RBMS3: variants seen among roughly 807,000 people sequenced by gnomAD.
The protein encoded by RBMS3 is RNA binding motif single stranded interacting protein 3.
A neutral mutation model predicts 66.8 loss-of-function variants in RBMS3; 27 were observed. The ratio of observed to expected loss-of-function variants is 0.40; its 90% confidence interval spans 0.30 to 0.56. The LOEUF is 0.56. RBMS3 is among the 20% of genes least tolerant of loss of function. RBMS3 has a pLI of 0.40. For missense variants in RBMS3, 513 were observed against 549.5 expected (o/e 0.93, Z 0.66); for synonymous variants, 188 against 183.0 (o/e 1.03, Z -0.22).
At chr3:29,329,685 G>A (rs987889486) in intron 1 of RBMS3, among the ~76,000 whole-genome samples, 2 of 151,708 alleles carry the variant, frequency 1.3e-5, no homozygotes, top group Non-Finnish European at 2.9e-5. Context: ...GCCATGCATT[G>A]AGTCAAGCTT....
intron 12 of RBMS3, among the ~76,000 whole-genome samples, chr3:29,976,931 C>A (rs1197072444): frequency 6.6e-6 from 1 of 152,088 alleles, no homozygotes; most frequent in East Asian, 1.9e-4. Flanking sequence ...TCAGTTTACT[C>A]CCTATATCCC....
chr3:29,503,706 G>A (rs2044066060), intron 3 of RBMS3, among the ~76,000 whole-genome samples: 1 of 152,066 alleles, frequency 6.6e-6, no homozygotes, highest in Non-Finnish European at 1.5e-5. Context: ...TTTCATATTT[G>A]TAACCAAAAT....
rs1699832895 is a variant in RBMS3 at position 30,007,451 on chromosome 3, C to A, written c.*3589C>A. ...AAGACTTAGCTTAAACATCAGGAAA[C>A]AAACTAAAGCCACAATCCAAATGAG... On this transcript the variant is annotated 3_prime_UTR_variant, in exon 15 of 15. Coordinates refer to ENST00000383767, the MANE Select transcript of RBMS3 (RefSeq NM_001003793.3). The A allele has an allele frequency of 6.6e-6, 1 of 151,934 alleles. No individual in the cohort carries two copies. Among genetic ancestry groups the A allele is most frequent in the Non-Finnish European group, 1.5e-5 (1 of 67,938 alleles). The allele number at this position is 151,934 out of a possible 1,614,324, so 9.4% of individuals were successfully genotyped here. A position where few individuals can be genotyped will look rare whatever the true frequency, so the allele number is the denominator to read the frequency against.
intron 4 of RBMS3, among the ~76,000 whole-genome samples, chr3:29,736,893 A>T (rs1003723065): frequency 6.6e-6 from 1 of 152,200 alleles, no homozygotes; most frequent in Non-Finnish European, 1.5e-5. Context: ...TCTAGCTATA[A>T]TTTGAAAACA....
At chr3:29,989,922 A>ATACT (rs1228775537) in intron 13 of RBMS3, among the ~76,000 whole-genome samples, 1 of 152,198 alleles carries the variant, frequency 6.6e-6, no homozygotes, top group Non-Finnish European at 1.5e-5. Flanking sequence ...CCAAAGACAA[A>ATACT]TACTTATCTA....
At chr3:29,756,566 A>G (rs1042774645) in intron 5 of RBMS3, among the ~76,000 whole-genome samples, 3 of 151,632 alleles carry the variant, frequency 2.0e-5, no homozygotes, top group Non-Finnish European at 4.4e-5. Flanking sequence ...AACAGCACAG[A>G]AAAAAAACCC....
At chr3:29,622,973 C>T (rs1051067759) in intron 4 of RBMS3, among the ~76,000 whole-genome samples, 2 of 151,240 alleles carry the variant, frequency 1.3e-5, no homozygotes, top group Non-Finnish European at 2.9e-5. Context: ...AAAAATTAGC[C>T]GGGTGTGGTG....
At chr3:29,847,165 G>A (rs1196720619) in intron 6 of RBMS3, among the ~76,000 whole-genome samples, 1 of 152,226 alleles carries the variant, frequency 6.6e-6, no homozygotes, top group Non-Finnish European at 1.5e-5. Flanking sequence ...GATGAATTAA[G>A]TGTGCCTTTT....
intron 8 of RBMS3, among the ~76,000 whole-genome samples, chr3:29,892,879 G>T (rs988100465): frequency 8.3e-6 from 1 of 119,764 alleles, no homozygotes; most frequent in African/African-American, 3.6e-5. Context: ...TTAATGTGAT[G>T]CCTGTGTGAA....
chr3:29,357,811 AT>A (rs1229776106), intron 1 of RBMS3, among the ~76,000 whole-genome samples: 1 of 151,984 alleles, frequency 6.6e-6, no homozygotes, highest in East Asian at 1.9e-4. Flanking sequence ...GATGATGAGC[AT>A]TTTTTCATGT....
At chr3:29,539,603 C>G (rs982194390) in intron 3 of RBMS3, among the ~76,000 whole-genome samples, 3 of 152,200 alleles carry the variant, frequency 2.0e-5, no homozygotes, top group Non-Finnish European at 4.4e-5. Flanking sequence ...ATCCAGGTAT[C>G]AAGTACCCGA....
At chr3:29,696,997 T>G in intron 4 of RBMS3, 1 of 972,952 alleles carries the variant, frequency 1.0e-6, no homozygotes, top group Non-Finnish European at 1.2e-6. Context: ...TCTCCAAAAC[T>G]TCTAACTTGC....
chr3:29,350,842 G>GAAAAACAAAGT (rs2036867330), intron 1 of RBMS3, among the ~76,000 whole-genome samples: 1 of 147,692 alleles, frequency 6.8e-6, no homozygotes. Context: ...AAAGGTAAAA[G>GAAAAACAAAGT]AAAAACAAAG....
At chr3:29,711,169 A>T (rs2053149457) in intron 4 of RBMS3, among the ~76,000 whole-genome samples, 1 of 152,198 alleles carries the variant, frequency 6.6e-6, no homozygotes, top group Non-Finnish European at 1.5e-5. Flanking sequence ...ATAAAAGAGG[A>T]CAATTGTAAC....
chr3:29,752,119 C>T lies in RBMS3; in HGVS notation c.558-10791C>T, dbSNP rs192599920. Among the ~76,000 whole-genome samples, 179 of 152,134 alleles carry T rather than the reference C, an allele frequency of 1.2e-3. 3 individuals are homozygous for T. Among genetic ancestry groups the T allele is most frequent in the Middle Eastern group, 0.01 (3 of 294 alleles). On this transcript the variant is annotated intron_variant, in intron 5 of 14. Coordinates refer to ENST00000383767, the MANE Select transcript of RBMS3 (RefSeq NM_001003793.3). ...GGGTGGTGAATGCAGAGGATTTTAT[C>T]GTGTGGTGGAAGTAGTTCTCAGCAG... is the stretch of plus-strand genomic sequence containing the variant.
chr3:29,837,663 C>CATAT (rs3070797), intron 6 of RBMS3, among the ~76,000 whole-genome samples: 1,137 of 67,374 alleles, frequency 0.017, 46 homozygotes, highest in East Asian at 0.024. Flanking sequence ...ATATAATGAA[C>CATAT]ATATATATAT....
At chr3:29,360,601 T>G (rs575159345) in intron 1 of RBMS3, among the ~76,000 whole-genome samples, 1 of 152,164 alleles carries the variant, frequency 6.6e-6, no homozygotes, top group South Asian at 2.1e-4. Context: ...CTGGATATCC[T>G]TGTTAATTTT....
chr3:29,991,398 G>C, intron 14 of RBMS3, 189 bp downstream of exon 14: 3 of 855,754 alleles, frequency 3.5e-6, no homozygotes, highest in Non-Finnish European at 1.7e-6. Flanking sequence ...TTCTGATCTT[G>C]ACAGGAATCA....
chr3:29,794,978 A>AT (rs2057134553), intron 6 of RBMS3, among the ~76,000 whole-genome samples: 1 of 152,124 alleles, frequency 6.6e-6, no homozygotes, highest in Non-Finnish European at 1.5e-5. Context: ...CATCAGTACT[A>AT]TTTTTTGAAG....
Sources: gnomAD v4.1 joint callset for allele counts (sites outside exome capture counted in the v4.1 genomes callset) on GRCh38, gnomAD v4.1.1 for gene constraint, MANE v1.5 for transcripts, NCBI Gene and HGNC (gene_info 2026-07-23, HGNC 2026-07-21) for gene names.